AP1M1: variants seen among roughly 807,000 people sequenced by gnomAD.
AP1M1 encodes AP-1 complex subunit mu-1.
Under a neutral mutation model 57.1 loss-of-function variants are expected in AP1M1, and 18 were observed. The observed-to-expected ratio is 0.32, with a 90% CI of 0.22 to 0.47. The LOEUF (loss-of-function observed/expected upper bound fraction) is 0.47, where lower values mean the gene tolerates loss of function less well. Ranked by LOEUF, AP1M1 falls within the 20% of genes least tolerant of loss-of-function variation. AP1M1 has a pLI of 1.00. For synonymous variants in AP1M1, 241 were observed against 237.9 expected (o/e 1.01, Z -0.12); for missense variants, 362 against 593.5 (o/e 0.61, Z 4.05).
At chr19:16,211,581 C>T (rs938209672) in intron 5 of AP1M1, among the ~76,000 whole-genome samples, 31 of 152,108 alleles carry the variant, frequency 2.0e-4, no homozygotes, top group African/African-American at 7.5e-4. Context: ...GTAGCTCCCG[C>T]TCTACTAAAA....
At chr19:16,223,838 G>T (rs1319935307) in intron 5 of AP1M1, among the ~76,000 whole-genome samples, 1 of 152,226 alleles carries the variant, frequency 6.6e-6, no homozygotes, top group African/African-American at 2.4e-5. Flanking sequence ...GTAGTCAGTG[G>T]CAGGGGAAGG....
rs1255628533 is a variant in AP1M1 at position 16,244,787 on chromosome 19, G to C, written c.*10352G>C. ...GGAGCTTGCAGTGAGCCGAGATTGC[G>C]CCACTGCAGTCCGCAGTCCGGCCTG... On this transcript the variant is annotated 3_prime_UTR_variant, in exon 12 of 12. Coordinates refer to ENST00000291439, the MANE Select transcript of AP1M1 (RefSeq NM_032493.4). 6.6e-6 allele frequency: 1 copy of C among 151,726 alleles called. No homozygotes were observed. The highest frequency in any genetic ancestry group is 1.5e-5 in the Non-Finnish European group (1 of 67,988). The allele number at this position is 151,726 out of a possible 1,614,324, so 9.4% of individuals were successfully genotyped here.
In AP1M1 at chr19:16,245,822, T is replaced by TA. The variant is rs1282870870; in HGVS notation, c.*11394dup. 11 of 152,116 alleles carry TA rather than the reference T, an allele frequency of 7.2e-5. No individual in the cohort carries two copies. Among genetic ancestry groups the TA allele is most frequent in the African/African-American group, 1.4e-4 (6 of 41,416 alleles). The allele number at this position is 152,116 out of a possible 1,614,324, so 9.4% of individuals were successfully genotyped here. A position where few individuals can be genotyped will look rare whatever the true frequency, so the allele number is the denominator to read the frequency against. ...TTTATTACAGATTGTTTGTGGCTTT[T>TA]AAAAAAAGTCATTGCTTGAATGATG... On this transcript the variant is annotated 3_prime_UTR_variant, in exon 12 of 12. Coordinates refer to ENST00000291439, the MANE Select transcript of AP1M1 (RefSeq NM_032493.4).
chr19:16,233,760 A>G, intron 10 of AP1M1, 142 bp downstream of exon 10: 1 of 1,186,194 alleles, frequency 8.4e-7, no homozygotes, highest in Non-Finnish European at 1.2e-6. Context: ...CTCCCCACAG[A>G]CAGGGTGAGG....
In AP1M1 at chr19:16,207,620, G is replaced by C. The variant is rs2091474787; in HGVS notation, c.268-399G>C. 6.6e-6 allele frequency among the ~76,000 whole-genome samples: 1 copy of C among 152,172 alleles called. No individual in the cohort carries two copies. Among genetic ancestry groups the C allele is most frequent in the Non-Finnish European group, 1.5e-5 (1 of 68,032 alleles). ...AACCTTCTGAGCTTTCCATTGAAATGGGGAAGATGCATCAAGCTTTCCACT... is the reference window on the plus strand; with the variant it reads ...AACCTTCTGAGCTTTCCATTGAAATCGGGAAGATGCATCAAGCTTTCCACT... On this transcript the variant is annotated intron_variant, in intron 3 of 11. Transcript: ENST00000291439. This position sits in a 1 kb window ranked among gnomAD's most constrained non-coding sequence, Gnocchi z 4.2.
rs1439318036 is a variant in AP1M1, at chr19:16,197,936, C to T, written c.-91C>T. 2.9e-6 allele frequency: 3 copies of T among 1,026,844 alleles called. No homozygotes were observed. Among genetic ancestry groups the T allele is most frequent in the Admixed American group, 3.6e-5 (1 of 27,980 alleles). 63.6% of individuals were successfully genotyped at this position (1,026,844 alleles called of 1,614,324 possible). ...GGAAGTGGAGGTGAGCTGTCGCGGGCGGCGCCCGGCCTTGCTCAACGCCCA... is the reference window on the plus strand; with the variant it reads ...GGAAGTGGAGGTGAGCTGTCGCGGGTGGCGCCCGGCCTTGCTCAACGCCCA... On this transcript the variant is annotated 5_prime_UTR_variant, in exon 1 of 12. Transcript: ENST00000291439.
rs1001577230 is a variant in AP1M1, at chr19:16,239,784, CA to C, written c.*5360del. 15 of 144,656 alleles carry C rather than the reference CA, an allele frequency of 1.0e-4. No individual in the cohort carries two copies. The highest frequency in any genetic ancestry group is 2.2e-4 in the South Asian group (1 of 4,490). The allele number at this position is 144,656 out of a possible 1,614,324, so 9.0% of individuals were successfully genotyped here. ...TGAGCGACACAGTGAGACACTGTCT[CA>C]AAAAAAAAAATTAACAACTTGGTTG... On this transcript the variant is annotated 3_prime_UTR_variant, in exon 12 of 12. Coordinates refer to ENST00000291439, the MANE Select transcript of AP1M1 (RefSeq NM_032493.4).
chr19:16,228,616 G>A lies in AP1M1; in HGVS notation c.889-154G>A, dbSNP rs1253336183. 6.6e-6 allele frequency among the ~76,000 whole-genome samples: 1 copy of A among 152,160 alleles called. No homozygotes were observed. Among genetic ancestry groups the A allele is most frequent in the African/African-American group, 2.4e-5 (1 of 41,450 alleles). ...AATTAGGTCTTGGGAGAGTCTCGAG[G>A]GCAGGAGAAGGGGTGGGTAGTGCCT... On this transcript the variant is annotated intron_variant, in intron 8 of 11. Transcript: ENST00000291439. This position sits in a 1 kb window ranked among gnomAD's most constrained non-coding sequence, Gnocchi z 5.0.
At chr19:16,200,006 G>T (rs1599450033) in intron 1 of AP1M1, among the ~76,000 whole-genome samples, 1 of 152,198 alleles carries the variant, frequency 6.6e-6, no homozygotes. Context: ...ACCTTCTCCT[G>T]TCTGAGCCTC....
At chr19:16,226,675 C>G in intron 6 of AP1M1, 128 bp downstream of exon 6, 1 of 1,203,488 alleles carries the variant, frequency 8.3e-7, no homozygotes, top group Non-Finnish European at 1.1e-6. Context: ...AGCAGCACTT[C>G]ACACTGCTTG....
At position 16,224,965 on chromosome 19, in the gene AP1M1, GGAGA is replaced by G. The variant is rs149226419; in HGVS notation, c.547-1443_547-1440del. Among the ~76,000 whole-genome samples, 146 of 151,488 alleles carry G rather than the reference GGAGA, an allele frequency of 9.6e-4. 2 individuals carry two copies. Among genetic ancestry groups the G allele is most frequent in the Middle Eastern group, 3.4e-3 (1 of 292 alleles). On this transcript the variant is annotated intron_variant, in intron 5 of 11. Transcript: ENST00000291439. Reference sequence around the variant, plus strand: ...AGCCCCACGTGGCTTCCCCCAGCAGGGAGAGAGAGAGAGAGACAAGCAGGCAGAC... The same window carrying G: ...AGCCCCACGTGGCTTCCCCCAGCAGGGAGAGAGAGAGACAAGCAGGCAGAC...
rs538332197 is a variant in AP1M1, at chr19:16,207,926, G to A, written c.268-93G>A. 5.6e-5 allele frequency: 82 copies of A among 1,471,252 alleles called. No homozygotes were observed. Among genetic ancestry groups the A allele is most frequent in the Middle Eastern group, 2.5e-4 (1 of 3,924 alleles). 91.1% of individuals were successfully genotyped at this position (1,471,252 alleles called of 1,614,324 possible). A position where few individuals can be genotyped will look rare whatever the true frequency, so the allele number is the denominator to read the frequency against. On this transcript the variant is annotated intron_variant, in intron 3 of 11. Coordinates refer to ENST00000291439, the MANE Select transcript of AP1M1 (RefSeq NM_032493.4). This position sits in a 1 kb window ranked among gnomAD's most constrained non-coding sequence, Gnocchi z 4.2. ...AAGTAGGCTGTTGGTAGGACTTAGCGGGCAAATGAATGTGTGCAAGCGTTC... is the reference window on the plus strand; with the variant it reads ...AAGTAGGCTGTTGGTAGGACTTAGCAGGCAAATGAATGTGTGCAAGCGTTC...
At chr19:16,231,148 T>C (rs2091594454) in intron 9 of AP1M1, among the ~76,000 whole-genome samples, 2 of 151,078 alleles carry the variant, frequency 1.3e-5, no homozygotes, top group South Asian at 2.1e-4. Context: ...ATTAGCCGGG[T>C]GTGGTGGTGG....
At position 16,207,134 on chromosome 19, in the gene AP1M1, A is replaced by G. The variant is rs1360570464; in HGVS notation, c.267+726A>G. Among the ~76,000 whole-genome samples, 3 of 152,128 alleles carry G rather than the reference A, an allele frequency of 2.0e-5. No homozygotes were observed. Among genetic ancestry groups the G allele is most frequent in the Non-Finnish European group, 4.4e-5 (3 of 68,012 alleles). ...GGCTGCTGCTGGCTTCCCGGAGAGGATGGGCCTGGCCGAGGTGGGCTGTGG... is the reference window on the plus strand; with the variant it reads ...GGCTGCTGCTGGCTTCCCGGAGAGGGTGGGCCTGGCCGAGGTGGGCTGTGG... On this transcript the variant is annotated intron_variant, in intron 3 of 11. Transcript: ENST00000291439. The surrounding 1 kb of genome is among the most constrained non-coding windows in gnomAD (Gnocchi z 4.2).
chr19:16,242,170 C>T lies in AP1M1; in HGVS notation c.*7735C>T, dbSNP rs2091647839. On this transcript the variant is annotated 3_prime_UTR_variant, in exon 12 of 12. Coordinates refer to ENST00000291439, the MANE Select transcript of AP1M1 (RefSeq NM_032493.4). ...TCTGTCTCTACAAAAATTAGCCAGG[C>T]ATGGTGGCGCACACCTGTAGTCCAA... 1 of 152,046 alleles carries T rather than the reference C, an allele frequency of 6.6e-6. No individual in the cohort carries two copies. The highest frequency in any genetic ancestry group is 1.5e-5 in the Non-Finnish European group (1 of 68,110). 9.4% of individuals were successfully genotyped at this position (152,046 alleles called of 1,614,324 possible).
At chr19:16,201,101 T>G (rs994145312) in intron 1 of AP1M1, among the ~76,000 whole-genome samples, 6 of 152,152 alleles carry the variant, frequency 3.9e-5, no homozygotes, top group Non-Finnish European at 8.8e-5. Context: ...CATCACCCAT[T>G]CAGCCATCTG....
At position 16,245,451 on chromosome 19, in the gene AP1M1, T is replaced by G. The variant is rs1344559370; in HGVS notation, c.*11016T>G. The G allele has an allele frequency of 6.6e-6, 1 of 151,974 alleles. No individual in the cohort carries two copies. Among genetic ancestry groups the G allele is most frequent in the African/African-American group, 2.4e-5 (1 of 41,358 alleles). 9.4% of individuals were successfully genotyped at this position (151,974 alleles called of 1,614,324 possible). On this transcript the variant is annotated 3_prime_UTR_variant, in exon 12 of 12. Transcript: ENST00000291439. ...TGCACGCCACCACACCCAGCTAATT[T>G]ATGTAATTTTATAGAGTTGTGGTTT... is the stretch of plus-strand genomic sequence containing the variant.
intron 1 of AP1M1, among the ~76,000 whole-genome samples, chr19:16,199,107 T>C (rs1327137030): frequency 6.6e-6 from 1 of 152,130 alleles, no homozygotes; most frequent in Non-Finnish European, 1.5e-5. Flanking sequence ...GTGCCAGGGC[T>C]CAACAATCTG....
chr19:16,242,094 G>T lies in AP1M1; in HGVS notation c.*7659G>T. 1 of 152,418 alleles carries T rather than the reference G, an allele frequency of 6.6e-6. No homozygotes were observed. The highest frequency in any genetic ancestry group is 2.1e-4 in the South Asian group (1 of 4,834). The allele number at this position is 152,418 out of a possible 1,614,324, so 9.4% of individuals were successfully genotyped here. ...TTGGGAGGCTGAGGCTGAGACAGGT[G>T]AATTGCTTGAGCCTAGGAGTTTGAG... On this transcript the variant is annotated 3_prime_UTR_variant, in exon 12 of 12. Transcript: ENST00000291439.
Sources: allele counts gnomAD v4.1 joint callset (sites outside exome capture counted in the v4.1 genomes callset), GRCh38; gene constraint gnomAD v4.1.1; non-coding constraint Gnocchi (gnomAD v3.1); transcripts MANE v1.5; gene names NCBI Gene and HGNC (gene_info 2026-07-23, HGNC 2026-07-21).